NINJ2: variants seen among roughly 807,000 people sequenced by gnomAD.
NINJ2 encodes the protein ninjurin-2.
Under a neutral mutation model 11.7 loss-of-function variants are expected in NINJ2, and 12 were observed. The observed-to-expected ratio is 1.02, with a 90% CI of 0.66 to 1.66. The LOEUF (loss-of-function observed/expected upper bound fraction) is 1.66. Among genes scored for constraint, NINJ2 ranks in the 40% most tolerant of loss-of-function variants. The pLI, the probability that NINJ2 is intolerant of heterozygous loss-of-function variation, is 0.00. For synonymous variants in NINJ2, 93 were observed against 76.8 expected, an observed-to-expected ratio of 1.21 and a Z score of -1.10; for missense variants, 187 against 181.8, an observed-to-expected ratio of 1.03 and a Z score of -0.16.
At chr12:659,772 T>C (rs1360311031) in intron 1 of NINJ2, among the ~76,000 whole-genome samples, 1 of 152,234 alleles carries the variant, frequency 6.6e-6, no homozygotes, top group Non-Finnish European at 1.5e-5. Context: ...TTTCCCAAAC[T>C]TCAGTTGTGC....
At chr12:662,849 A>G (rs976634940) in intron 1 of NINJ2, among the ~76,000 whole-genome samples, 1 of 152,304 alleles carries the variant, frequency 6.6e-6, no homozygotes, top group South Asian at 2.1e-4. Context: ...TCTGTCCTAC[A>G]CAGTAGAGCT....
chr12:593,930 G>A (rs373316173), intron 1 of NINJ2, among the ~76,000 whole-genome samples: 1 of 152,088 alleles, frequency 6.6e-6, no homozygotes, highest in Non-Finnish European at 1.5e-5. Flanking sequence ...AAATGATAGA[G>A]GGAAACTTCC....
intron 1 of NINJ2, among the ~76,000 whole-genome samples, chr12:582,471 GTGAA>G (rs1947569822): frequency 8.6e-6 from 1 of 116,636 alleles, no homozygotes. Context: ...GCATGCTAGT[GTGAA>G]TGAATGAATG....
At chr12:596,021 G>T (rs1947780322) in intron 1 of NINJ2, among the ~76,000 whole-genome samples, 1 of 152,202 alleles carries the variant, frequency 6.6e-6, no homozygotes, top group Non-Finnish European at 1.5e-5. Context: ...ACCAAATGCT[G>T]CAAGGATGTG....
chr12:599,130 C>T (rs1947829584), intron 1 of NINJ2, among the ~76,000 whole-genome samples: 1 of 151,704 alleles, frequency 6.6e-6, no homozygotes, highest in Admixed American at 6.6e-5. Flanking sequence ...GGCTGTAATC[C>T]CAGCACTTTG....
chr12:657,263 TC>T (rs887383643), intron 1 of NINJ2, among the ~76,000 whole-genome samples: 2 of 152,110 alleles, frequency 1.3e-5, no homozygotes, highest in Non-Finnish European at 2.9e-5. Context: ...ACAGTTGTTA[TC>T]CAAAACAGAC....
intron 1 of NINJ2, among the ~76,000 whole-genome samples, chr12:651,331 G>C (rs1937782228): frequency 6.6e-6 from 1 of 152,168 alleles, no homozygotes; most frequent in South Asian, 2.1e-4. Context: ...AGGTGACCTG[G>C]GGGAAGGGGA....
At chr12:615,122 T>C (rs1046797233) in intron 1 of NINJ2, among the ~76,000 whole-genome samples, 3 of 152,176 alleles carry the variant, frequency 2.0e-5, no homozygotes, top group Admixed American at 6.5e-5. Context: ...CCTACAGTCA[T>C]CTTTCAGCTC....
intron 1 of NINJ2, among the ~76,000 whole-genome samples, chr12:642,122 C>T (rs1274316535): frequency 1.3e-5 from 2 of 152,212 alleles, no homozygotes. Context: ...ATTCACTTTC[C>T]TGAACTTCAA....
At chr12:649,166 C>T (rs1309423294) in intron 1 of NINJ2, among the ~76,000 whole-genome samples, 1 of 152,086 alleles carries the variant, frequency 6.6e-6, no homozygotes. Context: ...CCTGCCTCAG[C>T]CTCCAGAGTA....
intron 1 of NINJ2, chr12:610,659 C>A: frequency 2.0e-6 from 2 of 983,400 alleles, no homozygotes; most frequent in Non-Finnish European, 2.4e-6. Context: ...CTGAAGGAGA[C>A]AACTTCAACT....
chr12:601,438 C>T (rs943762251), intron 1 of NINJ2, among the ~76,000 whole-genome samples: 8 of 151,364 alleles, frequency 5.3e-5, no homozygotes, highest in Non-Finnish European at 8.8e-5. Context: ...GTCCCAGCTA[C>T]AGGGGAGGCT....
chr12:576,395 G>C (rs908264038), intron 1 of NINJ2, among the ~76,000 whole-genome samples: 2 of 152,260 alleles, frequency 1.3e-5, no homozygotes, highest in Admixed American at 6.5e-5. Flanking sequence ...CAACAAAAGG[G>C]GGCCATAAAT....
At chr12:618,563 C>A (rs1385343906) in intron 1 of NINJ2, among the ~76,000 whole-genome samples, 1 of 152,190 alleles carries the variant, frequency 6.6e-6, no homozygotes, top group African/African-American at 2.4e-5. Context: ...ATATAACCTA[C>A]CAGCAGGCTT....
intron 1 of NINJ2, among the ~76,000 whole-genome samples, chr12:588,158 G>GGGAAGGGAC (rs1555163016): frequency 1.6e-4 from 22 of 140,820 alleles, no homozygotes; most frequent in Admixed American, 4.2e-4. Context: ...GCGGAAGGAA[G>GGGAAGGGAC]GGAAGGGACG....
At chr12:569,957 T>C (rs146566299) in intron 1 of NINJ2, among the ~76,000 whole-genome samples, 4,131 of 152,208 alleles carry the variant, frequency 0.027, 212 homozygotes, top group Admixed American at 0.12. Context: ...AGACGTGACT[T>C]GGGCGCCGCG....
chr12:588,052 G>C (rs537444164), intron 1 of NINJ2, among the ~76,000 whole-genome samples: 2 of 152,162 alleles, frequency 1.3e-5, no homozygotes, highest in South Asian at 4.1e-4. Context: ...CCAGACCAGT[G>C]TATCATCCTT....
intron 1 of NINJ2, among the ~76,000 whole-genome samples, chr12:608,311 A>C (rs2535399): frequency 0.54 from 81,624 of 152,028 alleles, 22,963 homozygotes; most frequent in African/African-American, 0.72. Context: ...TGACCATAGT[A>C]ATCAACTCTG....
At chr12:613,142 A>G (rs1948054166) in intron 1 of NINJ2, among the ~76,000 whole-genome samples, 1 of 152,142 alleles carries the variant, frequency 6.6e-6, no homozygotes, top group African/African-American at 2.4e-5. Context: ...GGCTGGCCCA[A>G]TCTGGGGGTG....
Sources: allele counts gnomAD v4.1 joint callset (sites outside exome capture counted in the v4.1 genomes callset), GRCh38; gene constraint gnomAD v4.1.1; transcripts MANE v1.5; gene names NCBI Gene and HGNC (gene_info 2026-07-23, HGNC 2026-07-21).